LRRTM4: variants seen among roughly 807,000 people sequenced by gnomAD.
LRRTM4 encodes the protein leucine-rich repeat transmembrane neuronal protein 4.
In LRRTM4, 25 loss-of-function variants were observed where a neutral mutation model predicts 47.6. The ratio of observed to expected loss-of-function variants is 0.53; its 90% CI spans 0.38 to 0.73. The LOEUF (loss-of-function observed/expected upper bound fraction) is 0.73. Among genes scored for constraint, LRRTM4 ranks in the 30% least tolerant of loss-of-function variants. The pLI is 0.00. For missense variants in LRRTM4, 638 were observed against 713.4 expected, an observed-to-expected ratio of 0.89 and a Z score of 1.20; for synonymous variants, 311 against 269.5, an observed-to-expected ratio of 1.15 and a Z score of -1.51.
chr2:77,212,468 T>C (rs564669048), intron 3 of LRRTM4, among the ~76,000 whole-genome samples: 1 of 146,782 alleles, frequency 6.8e-6, no homozygotes, highest in Non-Finnish European at 1.5e-5. Flanking sequence ...TATATATATA[T>C]ATATATAGAG....
intron 3 of LRRTM4, among the ~76,000 whole-genome samples, chr2:77,486,009 G>T (rs1677897690): frequency 6.6e-6 from 1 of 152,090 alleles, no homozygotes; most frequent in Non-Finnish European, 1.5e-5. Context: ...AGAGTGCTAG[G>T]ATTACAGGTG....
chr2:77,432,519 A>T (rs1675423750), intron 3 of LRRTM4, among the ~76,000 whole-genome samples: 1 of 152,234 alleles, frequency 6.6e-6, no homozygotes, highest in South Asian at 2.1e-4. Flanking sequence ...TCATTCATTC[A>T]ATTTAGAGAA....
chr2:76,852,844 C>T (rs748249966), intron 3 of LRRTM4, among the ~76,000 whole-genome samples: 3 of 152,052 alleles, frequency 2.0e-5, no homozygotes, highest in Admixed American at 6.6e-5. Flanking sequence ...TGGAAAGGAG[C>T]TTGTGATTAG....
intron 3 of LRRTM4, among the ~76,000 whole-genome samples, chr2:76,800,993 C>T (rs758460462): frequency 6.8e-6 from 1 of 147,404 alleles, no homozygotes; most frequent in African/African-American, 2.5e-5. Flanking sequence ...GAATGGCAAT[C>T]ATTAAAAAGG....
chr2:77,362,105 GAAAGAAAGAGAGAA>G, intron 3 of LRRTM4, among the ~76,000 whole-genome samples: 1 of 137,890 alleles, frequency 7.3e-6, no homozygotes, highest in Non-Finnish European at 1.5e-5. Flanking sequence ...GAAAAGGAAA[GAAAGAAAGAGAGAA>G]AGAAAGAAAG....
chr2:77,518,040 T>C, intron 3 of LRRTM4: 1 of 1,166,152 alleles, frequency 8.6e-7, no homozygotes, highest in Non-Finnish European at 1.1e-6. Context: ...GTCCAACCCC[T>C]GTATACAAAT....
At chr2:77,347,422 G>T (rs72915948) in intron 3 of LRRTM4, among the ~76,000 whole-genome samples, 8,812 of 151,996 alleles carry the variant, frequency 0.058, 373 homozygotes, top group Middle Eastern at 0.11. Flanking sequence ...AGTACTATTG[G>T]ACTATTTATT....
chr2:76,796,877 A>G (rs1046582691), intron 3 of LRRTM4, among the ~76,000 whole-genome samples: 1 of 152,078 alleles, frequency 6.6e-6, no homozygotes, highest in Non-Finnish European at 1.5e-5. Context: ...GGTATCAGCA[A>G]TGGAAGATGA....
At chr2:76,991,808 T>A (rs1486026396) in intron 3 of LRRTM4, among the ~76,000 whole-genome samples, 1 of 151,430 alleles carries the variant, frequency 6.6e-6, no homozygotes, top group Non-Finnish European at 1.5e-5. Flanking sequence ...ACCTTGATAA[T>A]AAAACCAGGC....
At chr2:77,343,604 AGTT>A in intron 3 of LRRTM4, among the ~76,000 whole-genome samples, 1 of 152,036 alleles carries the variant, frequency 6.6e-6, no homozygotes, top group African/African-American at 2.4e-5. Context: ...CAATTATTAT[AGTT>A]ATTATATAAT....
chr2:76,923,428 T>A (rs1375724518), intron 3 of LRRTM4, among the ~76,000 whole-genome samples: 1 of 151,922 alleles, frequency 6.6e-6, no homozygotes, highest in Non-Finnish European at 1.5e-5. Flanking sequence ...TAAATGAAGG[T>A]AATAAATACT....
chr2:77,103,667 A>ATATATATATATATATATATC (rs145819033), intron 3 of LRRTM4, among the ~76,000 whole-genome samples: 160 of 146,246 alleles, frequency 1.1e-3, no homozygotes, highest in East Asian at 8.0e-3. Flanking sequence ...ATATATAGAT[A>ATATATATATATATATATATC]TATATATCAC....
At chr2:77,357,366 A>G (rs1228715086) in intron 3 of LRRTM4, among the ~76,000 whole-genome samples, 4 of 152,212 alleles carry the variant, frequency 2.6e-5, no homozygotes, top group African/African-American at 9.6e-5. Context: ...AAATTAGCAC[A>G]GCTGGAACAT....
At chr2:77,231,866 T>C (rs1233061610) in intron 3 of LRRTM4, among the ~76,000 whole-genome samples, 1 of 152,230 alleles carries the variant, frequency 6.6e-6, no homozygotes, top group African/African-American at 2.4e-5. Flanking sequence ...AAGCTACTAA[T>C]TTAGATCCAC....
At chr2:77,419,220 A>C (rs755577083) in intron 3 of LRRTM4, among the ~76,000 whole-genome samples, 1 of 152,156 alleles carries the variant, frequency 6.6e-6, no homozygotes, top group Non-Finnish European at 1.5e-5. Flanking sequence ...CAAACACTTG[A>C]GGCCAAAGTT....
chr2:77,422,813 T>C (rs953152587), intron 3 of LRRTM4, among the ~76,000 whole-genome samples: 26 of 152,110 alleles, frequency 1.7e-4, no homozygotes, highest in Admixed American at 4.6e-4. Flanking sequence ...GAAGAAAGTA[T>C]AGGAATATAT....
intron 3 of LRRTM4, among the ~76,000 whole-genome samples, chr2:77,305,712 T>C (rs184958303): frequency 2.1e-5 from 3 of 142,120 alleles, no homozygotes; most frequent in African/African-American, 9.4e-5. Flanking sequence ...CTTTTTGATA[T>C]GATACCTCAA....
intron 3 of LRRTM4, among the ~76,000 whole-genome samples, chr2:76,968,826 G>T (rs1573382518): frequency 6.6e-6 from 1 of 151,892 alleles, no homozygotes; most frequent in South Asian, 2.1e-4. Context: ...ATTTAAAGTG[G>T]ATCCCCCTTT....
chr2:77,321,512 G>T (rs994662216), intron 3 of LRRTM4, among the ~76,000 whole-genome samples: 1 of 131,148 alleles, frequency 7.6e-6, no homozygotes, highest in Non-Finnish European at 1.6e-5. Flanking sequence ...CCTGATTCTC[G>T]CATGCAGTAG....
Sources: gnomAD v4.1 joint callset for allele counts (sites outside exome capture counted in the v4.1 genomes callset) on GRCh38, gnomAD v4.1.1 for gene constraint, MANE v1.5 for transcripts, NCBI Gene and HGNC (gene_info 2026-07-23, HGNC 2026-07-21) for gene names.